The following RASGRP3 variants were observed in gnomAD, a reference collection of about 807,000 sequenced individuals.
RASGRP3 encodes the protein ras guanyl-releasing protein 3.
RASGRP3 carries 54 observed loss-of-function variants against 82.7 expected under a neutral mutation model. The ratio of observed to expected loss-of-function variants is 0.65; its 90% CI spans 0.52 to 0.82. RASGRP3 has a LOEUF of 0.82. Among genes scored for constraint, RASGRP3 ranks in the 40% least tolerant of loss-of-function variants. The pLI is 0.00. For missense variants in RASGRP3, 861 were observed against 828.9 expected (o/e 1.04, Z -0.48); for synonymous variants, 309 against 300.5 (o/e 1.03, Z -0.29).
At chr2:33,513,339 C>A (rs1671120203) in intron 2 of RASGRP3, among the ~76,000 whole-genome samples, 2 of 152,304 alleles carry the variant, frequency 1.3e-5, no homozygotes, top group South Asian at 4.1e-4. Context: ...TGAACTAATA[C>A]AACCATACAT....
intron 13 of RASGRP3, among the ~76,000 whole-genome samples, chr2:33,548,357 T>G (rs1574481492): frequency 2.6e-5 from 1 of 39,118 alleles, no homozygotes. Context: ...CGGGACTCCG[T>G]CTCAAAAAAA....
intron 12 of RASGRP3, among the ~76,000 whole-genome samples, chr2:33,542,594 A>C (rs912989279): frequency 1.4e-5 from 2 of 146,976 alleles, no homozygotes; most frequent in Non-Finnish European, 3.0e-5. Flanking sequence ...TTTCTACTCA[A>C]CCCTGAGGTT....
chr2:33,548,116 C>T (rs1316102672), intron 13 of RASGRP3, among the ~76,000 whole-genome samples: 1 of 152,066 alleles, frequency 6.6e-6, no homozygotes, highest in African/African-American at 2.4e-5. Context: ...AATCCCAGCA[C>T]TTTGGGAGGC....
intron 2 of RASGRP3, among the ~76,000 whole-genome samples, chr2:33,465,430 G>T (rs1315787950): frequency 2.0e-4 from 30 of 152,192 alleles, no homozygotes; most frequent in Admixed American, 2.0e-3. Context: ...GGCCGAAGAG[G>T]GAGGATCGCT....
At chr2:33,501,743 A>G (rs1248644635) in intron 1 of RASGRP3, among the ~76,000 whole-genome samples, 2 of 152,214 alleles carry the variant, frequency 1.3e-5, no homozygotes, top group Non-Finnish European at 2.9e-5. Flanking sequence ...GCATGGAGAC[A>G]TGAGAACCGT....
chr2:33,474,144 G>A (rs796117017), upstream of RASGRP3, among the ~76,000 whole-genome samples: 3 of 152,148 alleles, frequency 2.0e-5, no homozygotes, highest in African/African-American at 7.2e-5. Context: ...TGGCATGGGG[G>A]CTGGGGACTC....
At chr2:33,476,293 G>C (rs1667360885), upstream of RASGRP3, 1 of 152,254 alleles carries the variant, frequency 6.6e-6, no homozygotes, top group South Asian at 2.1e-4. Context: ...GAGCCCCAGT[G>C]AAACTTGAGT....
At chr2:33,537,823 C>G (rs1673808286) in intron 11 of RASGRP3, among the ~76,000 whole-genome samples, 1 of 152,116 alleles carries the variant, frequency 6.6e-6, no homozygotes, top group Non-Finnish European at 1.5e-5. Context: ...TTGTGTTATC[C>G]AAGCATGTTA....
intron 1 of RASGRP3, among the ~76,000 whole-genome samples, chr2:33,495,480 G>A (rs988545834): frequency 2.0e-5 from 3 of 152,106 alleles, no homozygotes; most frequent in African/African-American, 4.8e-5. Flanking sequence ...ACCTCCTGCC[G>A]GGCAGCTTGG....
chr2:33,461,947 G>C (rs952785837), intron 2 of RASGRP3, among the ~76,000 whole-genome samples: 6 of 152,216 alleles, frequency 3.9e-5, no homozygotes, highest in African/African-American at 1.2e-4. Context: ...ATTAAAACTT[G>C]AGCAAGGGGT....
intron 2 of RASGRP3, among the ~76,000 whole-genome samples, chr2:33,451,688 G>T (rs1161066925): frequency 1.3e-5 from 2 of 152,040 alleles, no homozygotes. Context: ...ATTGTAATGT[G>T]TCTTGGTGAA....
chr2:33,514,496 CCATCT>C (rs1482010970), intron 2 of RASGRP3, among the ~76,000 whole-genome samples: 1 of 98,576 alleles, frequency 1.0e-5, no homozygotes, highest in Non-Finnish European at 1.9e-5. Context: ...TGGTAAAACC[CCATCT>C]CTACAAAAAA....
intron 2 of RASGRP3, among the ~76,000 whole-genome samples, chr2:33,460,362 A>G (rs1157881105): frequency 1.3e-5 from 2 of 152,184 alleles, no homozygotes; most frequent in African/African-American, 4.8e-5. Flanking sequence ...ACCTTTTTCT[A>G]TCCTATATTG....
chr2:33,484,591 TTC>T (rs923003778), intron 1 of RASGRP3, among the ~76,000 whole-genome samples: 3 of 152,170 alleles, frequency 2.0e-5, no homozygotes, highest in African/African-American at 7.2e-5. Flanking sequence ...TGCTGGAGAT[TTC>T]TCTGTAATCC....
intron 1 of RASGRP3, among the ~76,000 whole-genome samples, chr2:33,484,714 G>A (rs1399488488): frequency 6.6e-6 from 1 of 152,054 alleles, no homozygotes; most frequent in African/African-American, 2.4e-5. Context: ...ATAAAATAAC[G>A]CTTATTTTCA....
intron 2 of RASGRP3, among the ~76,000 whole-genome samples, chr2:33,452,636 C>A (rs1264538379): frequency 6.6e-6 from 1 of 152,082 alleles, no homozygotes. Flanking sequence ...TCATAGAGGC[C>A]CACTTTGTTC....
chr2:33,523,815 T>C (rs1672263824), intron 7 of RASGRP3, 64 bp from the exon 8 acceptor site: 1 of 1,410,016 alleles, frequency 7.1e-7, no homozygotes. Flanking sequence ...CTATGCAATA[T>C]TCTAATTTTT....
At chr2:33,518,165 A>G (rs1671641027) in intron 4 of RASGRP3, among the ~76,000 whole-genome samples, 1 of 152,238 alleles carries the variant, frequency 6.6e-6, no homozygotes, top group South Asian at 2.1e-4. Flanking sequence ...AACATCATAG[A>G]GTGCACTCAC....
At chr2:33,505,247 T>C (rs2150987983) in intron 1 of RASGRP3, among the ~76,000 whole-genome samples, 1 of 151,978 alleles carries the variant, frequency 6.6e-6, no homozygotes, top group South Asian at 2.1e-4. Flanking sequence ...TGTGACTTTA[T>C]TTCAGGGAAT....
Sources: gnomAD v4.1 joint callset for allele counts (sites outside exome capture counted in the v4.1 genomes callset) on GRCh38, gnomAD v4.1.1 for gene constraint, MANE v1.5 for transcripts, NCBI Gene and HGNC (gene_info 2026-07-23, HGNC 2026-07-21) for gene names.